GNB5: variants seen among roughly 807,000 people sequenced by gnomAD.
GNB5 encodes guanine nucleotide-binding protein subunit beta-5.
In GNB5, 37 loss-of-function variants were observed where a neutral mutation model predicts 55.3. That is an observed-to-expected ratio of 0.67 (90% CI 0.51 to 0.88). GNB5 has a LOEUF of 0.88. GNB5 is among the 40% of genes least tolerant of loss of function. The pLI, the probability that GNB5 is intolerant of heterozygous loss-of-function variation, is 0.00. For missense variants in GNB5, 476 were observed against 515.3 expected (o/e 0.92, Z 0.74); for synonymous variants, 219 against 198.5 (o/e 1.10, Z -0.87).
intron 2 of GNB5, among the ~76,000 whole-genome samples, chr15:52,182,586 A>G (rs2034787678): frequency 6.6e-6 from 1 of 152,194 alleles, no homozygotes. Flanking sequence ...AGGAAGCTGG[A>G]TATCAGAAAA....
intron 1 of GNB5, among the ~76,000 whole-genome samples, chr15:52,188,767 TA>T (rs1049956907): frequency 3.9e-5 from 6 of 152,288 alleles, no homozygotes; most frequent in Non-Finnish European, 5.9e-5. Context: ...ATATGTGACT[TA>T]AAAAATTACC....
rs759679138 is a variant in GNB5, at chr15:52,184,560, A to C, written c.117T>G (p.Cys39Trp). 1.1e-5 allele frequency: 18 copies of C among 1,613,412 alleles called. No individual in the cohort carries two copies. In the Admixed American group the frequency reaches 2.8e-4, roughly 25 times the overall value. ...KSQQLSYCST[C>W]AEIMATEGLH... Reference sequence around the variant, plus strand: ...TTTAAGTGGCACTTACAATTTCTGCACATGTTGAACAGTAGCTGAGTTGTT... The same window carrying C: ...TTTAAGTGGCACTTACAATTTCTGCCCATGTTGAACAGTAGCTGAGTTGTT... The change falls in exon 2 of 13, where the codon TGT (cysteine) becomes TGG (tryptophan). Residue 39 changes from cysteine to tryptophan, a missense_variant. Physicochemically the swap from Cys to Trp is radical, Grantham distance 215. Coordinates refer to ENST00000261837, the MANE Select transcript of GNB5 (RefSeq NM_016194.4).
chr15:52,162,944 G>A (rs1008014954), intron 3 of GNB5: 4 of 152,204 alleles, frequency 2.6e-5, no homozygotes, highest in Non-Finnish European at 2.9e-5. Flanking sequence ...CGTGGAGAAC[G>A]GAATGGCGAG....
chr15:52,138,129 T>TC (rs1250169059), intron 7 of GNB5, among the ~76,000 whole-genome samples: 2 of 152,092 alleles, frequency 1.3e-5, no homozygotes, highest in African/African-American at 4.8e-5. Flanking sequence ...CTCATTTTTT[T>TC]CCCAGCACTT....
intron 7 of GNB5, chr15:52,135,969 C>G (rs994759982): frequency 1.9e-6 from 1 of 515,072 alleles, no homozygotes; most frequent in African/African-American, 2.2e-5. Flanking sequence ...ATTTCCTACA[C>G]CCTCACAGTC....
At position 52,124,372 on chromosome 15, in the gene GNB5, C is replaced by T; in HGVS notation, c.1176+101G>A. Reference sequence around the variant, plus strand: ...GAGAGCTCGGCGAGGCTGACCAGGCCCACCTGAGCTTACTCTGATAGCCTT... The same window carrying T: ...GAGAGCTCGGCGAGGCTGACCAGGCTCACCTGAGCTTACTCTGATAGCCTT... On this transcript the variant is annotated intron_variant, in intron 12 of 12. Coordinates refer to ENST00000261837, the MANE Select transcript of GNB5 (RefSeq NM_016194.4). 1.1e-6 allele frequency: 1 copy of T among 930,794 alleles called. No homozygotes were observed. The highest frequency in any genetic ancestry group is 1.6e-6 in the Non-Finnish European group (1 of 608,610). 57.7% of individuals were successfully genotyped at this position (930,794 alleles called of 1,614,324 possible). A position where few individuals can be genotyped will look rare whatever the true frequency, so the allele number is the denominator to read the frequency against.
At chr15:52,190,889 G>A (rs541971255) in intron 1 of GNB5, among the ~76,000 whole-genome samples, 3 of 148,756 alleles carry the variant, frequency 2.0e-5, no homozygotes, top group East Asian at 3.9e-4. Context: ...AGTCACAGAC[G>A]AAACTGTGAA....
At position 52,136,064 on chromosome 15, in the gene GNB5, A is replaced by AACACACACAC. The variant is rs147163026; in HGVS notation, c.628-318_628-309dup. ...CTTAACGTTTTGCAGGGAAAAGCAG[A>AACACACACAC]ACACACACACACACACACACACACA... On this transcript the variant is annotated intron_variant, in intron 7 of 12. Coordinates refer to ENST00000261837, the MANE Select transcript of GNB5 (RefSeq NM_016194.4). Among the ~76,000 whole-genome samples the AACACACACAC allele has an allele frequency of 2.2e-3, 220 of 98,042 alleles. 4 individuals are homozygous for AACACACACAC. Among genetic ancestry groups the AACACACACAC allele is most frequent in the East Asian group, 9.3e-3 (29 of 3,104 alleles). The allele number at this position is 98,042 out of a possible 152,430, so 64.3% of individuals were successfully genotyped here. A position where few individuals can be genotyped will look rare whatever the true frequency, so the allele number is the denominator to read the frequency against.
At chr15:52,133,556 T>C in intron 8 of GNB5, 87 bp from the exon 9 acceptor site, 1 of 834,416 alleles carries the variant, frequency 1.2e-6, no homozygotes, top group South Asian at 1.4e-5. Context: ...ACACAGACCA[T>C]TTATTTCCCA....
Position 52,154,093 on chromosome 15 carries a change from A to T in GNB5, c.239-17T>A. 1 of 1,612,002 alleles carries T rather than the reference A, an allele frequency of 6.2e-7. No homozygotes were observed. Among genetic ancestry groups the T allele is most frequent in the East Asian group, 2.2e-5 (1 of 44,876 alleles). On this transcript the variant is annotated splice_polypyrimidine_tract_variant and intron_variant, in intron 3 of 12. Transcript: ENST00000261837. Reference sequence around the variant, plus strand: ...CCTGGTGCACTGGAATGACAAGGCCATAGTCAGTCCCCTTGCTAAGGACCA... The same window carrying T: ...CCTGGTGCACTGGAATGACAAGGCCTTAGTCAGTCCCCTTGCTAAGGACCA...
intron 10 of GNB5, among the ~76,000 whole-genome samples, chr15:52,127,548 C>T (rs1159238930): frequency 6.6e-6 from 1 of 151,946 alleles, no homozygotes; most frequent in African/African-American, 2.4e-5. Context: ...CTTTGATATA[C>T]AGAAGTTTTA....
At chr15:52,148,135 C>T (rs2034015963) in intron 5 of GNB5, among the ~76,000 whole-genome samples, 1 of 151,920 alleles carries the variant, frequency 6.6e-6, no homozygotes, top group South Asian at 2.1e-4. Context: ...CTATCAGGGC[C>T]CCTTTTCTTT....
intron 3 of GNB5, among the ~76,000 whole-genome samples, chr15:52,164,180 C>G (rs1046812811): frequency 2.6e-5 from 4 of 151,600 alleles, no homozygotes; most frequent in African/African-American, 9.7e-5. Context: ...TGATGGCGGG[C>G]GCCTGTAATC....
chr15:52,136,111 AAAACACACACACACACACACACACAC>A (rs2033707144), intron 7 of GNB5, among the ~76,000 whole-genome samples: 1 of 77,140 alleles, frequency 1.3e-5, no homozygotes, highest in Admixed American at 1.5e-4. Flanking sequence ...GGAAAAGCAG[AAAACACACACACACACACACACACAC>A]ACACACACAC....
chr15:52,131,115 G>A (rs549923139), intron 9 of GNB5, among the ~76,000 whole-genome samples: 20 of 152,262 alleles, frequency 1.3e-4, no homozygotes, highest in African/African-American at 4.1e-4. Context: ...CGTGAGCCAC[G>A]GTGCCCAGCT....
At chr15:52,145,201 G>A (rs1377230238) in intron 6 of GNB5, among the ~76,000 whole-genome samples, 1 of 151,854 alleles carries the variant, frequency 6.6e-6, no homozygotes, top group Non-Finnish European at 1.5e-5. Flanking sequence ...TACACATGTA[G>A]TACAAATATA....
intron 1 of GNB5, among the ~76,000 whole-genome samples, chr15:52,187,333 C>T (rs2034859690): frequency 6.6e-6 from 1 of 152,008 alleles, no homozygotes; most frequent in African/African-American, 2.4e-5. Context: ...GTGGATTATT[C>T]CAGCATTTGT....
chr15:52,139,603 G>C, intron 7 of GNB5: 1 of 270,446 alleles, frequency 3.7e-6, no homozygotes, highest in South Asian at 3.4e-5. Context: ...CTCATGTGCA[G>C]GTGAGAAAAA....
rs757984625 is a variant in GNB5 at position 52,147,476 on chromosome 15, T to A, written c.477A>T (p.Gly159=). The change falls in exon 6 of 13, where the codon GGA becomes GGT. Residue 159 remains glycine, a synonymous_variant. Transcript: ENST00000261837. ...WVMACAYAPS[G]CAIACGGLDN... is the part of the protein sequence containing the mutation. ...CAACTTACCCACAAGCAATGGCACA[T>A]CCCGATGGGGCATAAGCACATGCCA... 3 of 1,603,298 alleles carry A rather than the reference T, an allele frequency of 1.9e-6. No individual in the cohort carries two copies. Among genetic ancestry groups the A allele is most frequent in the Admixed American group, 3.3e-5 (2 of 60,000 alleles).
Sources: gnomAD v4.1 joint callset for allele counts (sites outside exome capture counted in the v4.1 genomes callset) on GRCh38, gnomAD v4.1.1 for gene constraint, MANE v1.5 for transcripts, NCBI Gene and HGNC (gene_info 2026-07-23, HGNC 2026-07-21) for gene names.